ROBO1: variants seen among roughly 807,000 people sequenced by gnomAD.
The protein encoded by ROBO1 is roundabout guidance receptor 1.
In ROBO1, 149 loss-of-function variants were observed where a neutral mutation model predicts 195.9. That is an observed-to-expected ratio of 0.76 (90% CI 0.67 to 0.87). The LOEUF (loss-of-function observed/expected upper bound fraction) is 0.87. Ranked by LOEUF, ROBO1 falls within the 40% of genes least tolerant of loss-of-function variation. The probability of loss-of-function intolerance (pLI) is 0.00; values close to 1 mark genes in which losing one functional copy is unlikely to be tolerated. For missense variants in ROBO1, 1,933 were observed against 2,068.3 expected, an observed-to-expected ratio of 0.93 and a Z score of 1.27; for synonymous variants, 816 against 733.2, an observed-to-expected ratio of 1.11 and a Z score of -1.82.
intron 1 of ROBO1, among the ~76,000 whole-genome samples, chr3:79,660,211 A>G (rs1946289781): frequency 6.6e-6 from 1 of 150,570 alleles, no homozygotes; most frequent in Admixed American, 6.6e-5. Flanking sequence ...AAAACGTGGG[A>G]ACACATACTC....
In ROBO1 at chr3:79,419,024, A is replaced by C. The variant is rs139540949; in HGVS notation, c.88+170800T>G. ...GAAAAAGACCTACACGTGCATTTGC[A>C]AGGCTGTGTCCAGAGGGCCATGTGT... On this transcript the variant is annotated intron_variant, in intron 2 of 30. Coordinates refer to ENST00000464233, the MANE Select transcript of ROBO1 (RefSeq NM_002941.4). 4.2e-3 allele frequency among the ~76,000 whole-genome samples: 643 copies of C among 152,244 alleles called. 3 individuals carry two copies. The highest frequency in any genetic ancestry group is 7.1e-3 in the Admixed American group (108 of 15,276).
chr3:79,670,166 T>C (rs1187654212), intron 1 of ROBO1, among the ~76,000 whole-genome samples: 2 of 151,904 alleles, frequency 1.3e-5, no homozygotes, highest in African/African-American at 4.8e-5. Context: ...ATAGATGCCA[T>C]AAATAAGATA....
At chr3:79,387,200 C>A (rs1308284165) in intron 2 of ROBO1, among the ~76,000 whole-genome samples, 1 of 152,016 alleles carries the variant, frequency 6.6e-6, no homozygotes, top group African/African-American at 2.4e-5. Context: ...TGAAAAGATT[C>A]TTACAAAGAA....
In ROBO1 at chr3:79,427,446, C is replaced by T. The variant is rs138709585; in HGVS notation, c.88+162378G>A. On this transcript the variant is annotated intron_variant, in intron 2 of 30. Transcript: ENST00000464233. The stretch of plus-strand genomic sequence containing the variant: ...GCAGGAGAACGTTGTGTTTAGGGGA[C>T]GCAATTCTAATGCCAGCTTATCTGG... 2.1e-3 allele frequency among the ~76,000 whole-genome samples: 315 copies of T among 152,236 alleles called. 1 individual carries two copies. Among genetic ancestry groups the T allele is most frequent in the African/African-American group, 7.2e-3 (298 of 41,550 alleles).
In ROBO1 at chr3:78,901,413, C is replaced by T. The variant is rs143146147; in HGVS notation, c.499+37188G>A. Among the ~76,000 whole-genome samples the T allele has an allele frequency of 4.1e-3, 617 of 152,036 alleles. 14 individuals carry two copies. The highest frequency in any genetic ancestry group is 0.013 in the African/African-American group (528 of 41,476). ...ATGTACAAAGAAAATGATTTAATAA[C>T]GGATGGGAGTATGCCTTAAAGACAT... On this transcript the variant is annotated intron_variant, in intron 4 of 30. Coordinates refer to ENST00000464233, the MANE Select transcript of ROBO1 (RefSeq NM_002941.4).
At chr3:78,933,256 A>G (rs2039629615) in intron 4 of ROBO1, among the ~76,000 whole-genome samples, 2 of 152,126 alleles carry the variant, frequency 1.3e-5, no homozygotes. Context: ...CTTTCTGCCC[A>G]TTAGCACTGA....
At chr3:79,609,695 T>A (rs190816147) in intron 1 of ROBO1, among the ~76,000 whole-genome samples, 1 of 151,988 alleles carries the variant, frequency 6.6e-6, no homozygotes, top group East Asian at 1.9e-4. Flanking sequence ...TTCTGTCACA[T>A]GCTATGACAT....
chr3:79,246,808 A>T (rs1475496679), intron 2 of ROBO1, among the ~76,000 whole-genome samples: 1 of 152,062 alleles, frequency 6.6e-6, no homozygotes, highest in Non-Finnish European at 1.5e-5. Context: ...ACATGGTTCT[A>T]GGGAGAATTA....
chr3:79,361,178 T>A (rs1288220441), intron 2 of ROBO1, among the ~76,000 whole-genome samples: 1 of 152,098 alleles, frequency 6.6e-6, no homozygotes, highest in African/African-American at 2.4e-5. Context: ...GAGATAAATA[T>A]TTTTAATGTT....
intron 1 of ROBO1, among the ~76,000 whole-genome samples, chr3:79,738,398 A>G (rs1315988360): frequency 6.6e-6 from 1 of 152,180 alleles, no homozygotes; most frequent in Non-Finnish European, 1.5e-5. Flanking sequence ...GTTGTGCATA[A>G]AATCTTTAAC....
At chr3:79,370,591 C>T (rs1471739408) in intron 2 of ROBO1, among the ~76,000 whole-genome samples, 1 of 151,430 alleles carries the variant, frequency 6.6e-6, no homozygotes, top group Non-Finnish European at 1.5e-5. Flanking sequence ...ACCCTAATTC[C>T]TTTTCGACTT....
chr3:78,940,801 T>C (rs1031686916), intron 3 of ROBO1, among the ~76,000 whole-genome samples: 5 of 152,208 alleles, frequency 3.3e-5, no homozygotes, highest in Non-Finnish European at 7.3e-5. Context: ...GGGTCTGGTT[T>C]TGCTCATGGT....
chr3:79,016,120 A>G lies in ROBO1; in HGVS notation c.173-77193T>C, dbSNP rs142183619. On this transcript the variant is annotated intron_variant, in intron 3 of 30. Transcript: ENST00000464233. ...CAAGAACTTCATTCATTCTCTGACC[A>G]GGTGTCTTCAACACACCCAGGTTTC... is the stretch of plus-strand genomic sequence containing the variant. Among the ~76,000 whole-genome samples, 174 of 152,356 alleles carry G rather than the reference A, an allele frequency of 1.1e-3. 1 individual carries two copies. The highest frequency in any genetic ancestry group is 3.9e-3 in the African/African-American group (164 of 41,586).
chr3:79,668,016 C>T (rs1028740803), intron 1 of ROBO1, among the ~76,000 whole-genome samples: 1 of 151,710 alleles, frequency 6.6e-6, no homozygotes, highest in Admixed American at 6.6e-5. Flanking sequence ...TTCTATAGCA[C>T]CTTCGCAATG....
intron 2 of ROBO1, among the ~76,000 whole-genome samples, chr3:79,586,468 C>T (rs1943833330): frequency 6.6e-6 from 1 of 151,818 alleles, no homozygotes; most frequent in African/African-American, 2.4e-5. Context: ...ACCCAGTCAG[C>T]ACTTGCATCT....
chr3:79,139,495 T>C (rs1172805498), intron 2 of ROBO1, among the ~76,000 whole-genome samples: 1 of 152,152 alleles, frequency 6.6e-6, no homozygotes, highest in Non-Finnish European at 1.5e-5. Flanking sequence ...GTCTAAACGT[T>C]TGGTTTAAGA....
At chr3:79,537,519 C>T (rs1288550397) in intron 2 of ROBO1, among the ~76,000 whole-genome samples, 2 of 152,146 alleles carry the variant, frequency 1.3e-5, no homozygotes, top group African/African-American at 4.8e-5. Context: ...AATTCCACTT[C>T]CTGTCCATCT....
At chr3:79,176,317 T>C (rs114890093) in intron 2 of ROBO1, among the ~76,000 whole-genome samples, 61 of 152,232 alleles carry the variant, frequency 4.0e-4, no homozygotes, top group African/African-American at 1.4e-3. Flanking sequence ...AAAAGAAAAA[T>C]TATCCATTTT....
intron 4 of ROBO1, among the ~76,000 whole-genome samples, chr3:78,833,443 CTT>C (rs1339888720): frequency 2.0e-5 from 3 of 151,950 alleles, no homozygotes; most frequent in African/African-American, 7.3e-5. Flanking sequence ...TGAAACCAAT[CTT>C]AATTGTATAA....
Sources: allele counts gnomAD v4.1 joint callset (sites outside exome capture counted in the v4.1 genomes callset), GRCh38; gene constraint gnomAD v4.1.1; transcripts MANE v1.5; gene names NCBI Gene and HGNC (gene_info 2026-07-23, HGNC 2026-07-21).